The following NEXMIF variants were observed in gnomAD, a reference collection of about 807,000 sequenced individuals.
NEXMIF encodes XLMR protein related to neurite extension.
NEXMIF carries 8 observed loss-of-function variants against 62.1 expected under a neutral mutation model. The ratio of observed to expected loss-of-function variants is 0.13; its 90% confidence interval spans 0.08 to 0.23. The LOEUF is 0.23. NEXMIF is among the 10% of genes least tolerant of loss of function. NEXMIF has a pLI of 1.00. For missense variants in NEXMIF, 976 were observed against 1,113.3 expected (o/e 0.88, Z 1.75); for synonymous variants, 404 against 416.6 (o/e 0.97, Z 0.37).
intron 1 of NEXMIF, among the ~76,000 whole-genome samples, chrX:74,775,581 G>T (rs2080226519): frequency 8.9e-6 from 1 of 111,953 alleles, no homozygotes; most frequent in African/African-American, 3.2e-5. Flanking sequence ...GGAATATGAA[G>T]AACTGAGATT....
chrX:74,807,675 C>G (rs946582692), intron 1 of NEXMIF, among the ~76,000 whole-genome samples: 4 of 111,623 alleles, frequency 3.6e-5, no homozygotes, highest in African/African-American at 1.3e-4. Context: ...GTTGGCCAGG[C>G]TGGTCTTGAA....
At chrX:74,791,586 G>A (rs202021598) in intron 1 of NEXMIF, among the ~76,000 whole-genome samples, 6 of 111,274 alleles carry the variant, frequency 5.4e-5, no homozygotes, top group Non-Finnish European at 9.4e-5. Flanking sequence ...GGTAGAATTC[G>A]GCTGTGAATC....
At chrX:74,846,617 G>T (rs143751122) in intron 1 of NEXMIF, among the ~76,000 whole-genome samples, 77 of 111,992 alleles carry the variant, frequency 6.9e-4, no homozygotes, top group African/African-American at 2.4e-3. Context: ...ATTTTTAAAC[G>T]ATTGAAGCTT....
chrX:74,874,279 G>A (rs1381958768), intron 1 of NEXMIF, among the ~76,000 whole-genome samples: 1 of 105,950 alleles, frequency 9.4e-6, no homozygotes, highest in African/African-American at 3.5e-5. Context: ...TTTTTCTCAG[G>A]TTTGTCAAAG....
intron 1 of NEXMIF, among the ~76,000 whole-genome samples, chrX:74,892,819 C>T (rs1439560398): frequency 2.7e-5 from 3 of 112,014 alleles, no homozygotes; most frequent in African/African-American, 9.7e-5. Context: ...AGAATTTACC[C>T]TAATTAAAAC....
chrX:74,786,839 G>A lies in NEXMIF; in HGVS notation c.-47-41142C>T, dbSNP rs775075977. Reference sequence around the variant, plus strand: ...TGTACACACACACACACACACACACGTGAGCACATGTGCATGTGCGTGTGT... The same window carrying A: ...TGTACACACACACACACACACACACATGAGCACATGTGCATGTGCGTGTGT... On this transcript the variant is annotated intron_variant, in intron 1 of 3. Coordinates refer to ENST00000055682, the MANE Select transcript of NEXMIF (RefSeq NM_001008537.3). Among the ~76,000 whole-genome samples the A allele has an allele frequency of 1.9e-3, 209 of 109,562 alleles. 2 individuals carry two copies. The highest frequency in any genetic ancestry group is 1.4e-3 in the Non-Finnish European group (73 of 52,449).
intron 1 of NEXMIF, among the ~76,000 whole-genome samples, chrX:74,832,724 T>C (rs2080442176): frequency 9.0e-6 from 1 of 111,645 alleles, no homozygotes; most frequent in Non-Finnish European, 1.9e-5. Flanking sequence ...TATTTGAAGT[T>C]CTTTTTCTTT....
At chrX:74,870,699 C>A (rs1205745076) in intron 1 of NEXMIF, among the ~76,000 whole-genome samples, 1 of 111,631 alleles carries the variant, frequency 9.0e-6, no homozygotes, top group African/African-American at 3.3e-5. Context: ...ATACAAATGG[C>A]AAACAGGTAC....
chrX:74,877,532 T>C (rs1421876819), intron 1 of NEXMIF, among the ~76,000 whole-genome samples: 1 of 111,324 alleles, frequency 9.0e-6, no homozygotes, highest in Non-Finnish European at 1.9e-5. Context: ...ATCTGAACGT[T>C]GGCCTGCCTT....
chrX:74,808,372 C>G (rs2080351134), intron 1 of NEXMIF, among the ~76,000 whole-genome samples: 1 of 111,503 alleles, frequency 9.0e-6, no homozygotes, highest in Non-Finnish European at 1.9e-5. Context: ...CCACTGCACT[C>G]CAGCCTGGGT....
chrX:74,770,381 G>A (rs946390930), intron 1 of NEXMIF, among the ~76,000 whole-genome samples: 9 of 112,123 alleles, frequency 8.0e-5, no homozygotes, highest in African/African-American at 1.9e-4. Flanking sequence ...AATACCTACA[G>A]TGGGTAGAAA....
chrX:74,842,038 A>G (rs974792857), intron 1 of NEXMIF, among the ~76,000 whole-genome samples: 1 of 111,589 alleles, frequency 9.0e-6, no homozygotes, highest in Non-Finnish European at 1.9e-5. Flanking sequence ...TTTTTGGAAT[A>G]GTTTCTGTGA....
intron 1 of NEXMIF, among the ~76,000 whole-genome samples, chrX:74,810,164 A>T (rs1242291708): frequency 1.8e-5 from 2 of 112,114 alleles, no homozygotes; most frequent in African/African-American, 3.2e-5. Context: ...TTGTAATTAG[A>T]ATATTTTTTT....
At chrX:74,878,039 T>G (rs1419965463) in intron 1 of NEXMIF, among the ~76,000 whole-genome samples, 1 of 112,161 alleles carries the variant, frequency 8.9e-6, no homozygotes, top group Non-Finnish European at 1.9e-5. Context: ...TGAGGAACTG[T>G]GTTCCTTTGG....
chrX:74,799,271 G>C (rs752343516), intron 1 of NEXMIF, among the ~76,000 whole-genome samples: 2 of 111,204 alleles, frequency 1.8e-5, no homozygotes, highest in Non-Finnish European at 3.8e-5. Context: ...GTGTAGCAGA[G>C]ATTTTCACAA....
At chrX:74,865,758 G>A (rs2080576671) in intron 1 of NEXMIF, among the ~76,000 whole-genome samples, 1 of 112,059 alleles carries the variant, frequency 8.9e-6, no homozygotes, top group Non-Finnish European at 1.9e-5. Context: ...TACAGCTTGG[G>A]CCATGGCTTC....
chrX:74,825,206 T>C (rs754302155), intron 1 of NEXMIF, among the ~76,000 whole-genome samples: 2 of 111,777 alleles, frequency 1.8e-5, no homozygotes, highest in African/African-American at 3.3e-5. Context: ...CTTTTGAGAA[T>C]TGCCTATTCA....
intron 1 of NEXMIF, among the ~76,000 whole-genome samples, chrX:74,749,596 C>A (rs751127493): frequency 1.3e-3 from 146 of 110,609 alleles, no homozygotes; most frequent in Non-Finnish European, 2.0e-3. Context: ...GAATCTCTGT[C>A]CCCTTTTCCC....
intron 1 of NEXMIF, among the ~76,000 whole-genome samples, chrX:74,913,680 A>G (rs551617008): frequency 4.5e-5 from 5 of 111,362 alleles, no homozygotes; most frequent in African/African-American, 1.6e-4. Context: ...CCCTAACTAC[A>G]AGTGTAAAAC....
Sources: allele counts gnomAD v4.1 joint callset (sites outside exome capture counted in the v4.1 genomes callset), GRCh38; gene constraint gnomAD v4.1.1; transcripts MANE v1.5; gene names NCBI Gene and HGNC (gene_info 2026-07-23, HGNC 2026-07-21).